RMC1: variants seen among roughly 807,000 people sequenced by gnomAD.
RMC1 encodes the protein regulator of MON1-CCZ1 complex.
In RMC1, 44 loss-of-function variants were observed where a neutral mutation model predicts 95.5. The ratio of observed to expected loss-of-function variants is 0.46; its 90% CI spans 0.36 to 0.59. The LOEUF is 0.59. Among genes scored for constraint, RMC1 ranks in the 20% least tolerant of loss-of-function variants. RMC1 has a pLI of 0.00. For missense variants in RMC1, 705 were observed against 819.6 expected (o/e 0.86, Z 1.71); for synonymous variants, 320 against 303.6 (o/e 1.05, Z -0.56).
At chr18:23,519,282 C>G in intron 9 of RMC1, 108 bp downstream of exon 9, 1 of 919,116 alleles carries the variant, frequency 1.1e-6, no homozygotes, top group Middle Eastern at 3.3e-4. Context: ...CTTTGGGAGG[C>G]CAAGGCGGAC....
chr18:23,518,350 G>C lies in RMC1; in HGVS notation c.654-540G>C, dbSNP rs529679323. On this transcript the variant is annotated intron_variant, in intron 7 of 19. Coordinates refer to ENST00000269221, the MANE Select transcript of RMC1 (RefSeq NM_013326.5). ...TACAAAAAAATTTAAAAATTAGCCA[G>C]GCACGGTGGCACGTGCATGTAGTCC... Among the ~76,000 whole-genome samples the C allele has an allele frequency of 9.2e-5, 14 of 152,174 alleles. No homozygotes were observed. In the South Asian group the frequency reaches 2.7e-3, roughly 29 times the overall value.
chr18:23,504,148 G>A (rs1237512259), intron 1 of RMC1, among the ~76,000 whole-genome samples: 1 of 152,236 alleles, frequency 6.6e-6, no homozygotes, highest in African/African-American at 2.4e-5. Flanking sequence ...AGAACTTGGA[G>A]CCTCGGGAAC....
At chr18:23,523,834 G>A (rs77987005) in intron 10 of RMC1, among the ~76,000 whole-genome samples, 2,230 of 152,138 alleles carry the variant, frequency 0.015, 53 homozygotes, top group African/African-American at 0.051. Flanking sequence ...GTTCCTTAAC[G>A]TGCATATGTA....
rs750343587 is a variant in RMC1 at position 23,529,639 on chromosome 18, T to C, written c.1421T>C (p.Met474Thr). The change falls in exon 16 of 20, where the codon ATG becomes ACG. Residue 474 changes from methionine (M) to threonine (T), a missense_variant. Coordinates refer to ENST00000269221, the MANE Select transcript of RMC1 (RefSeq NM_013326.5). ...VLSAFVEKKE[M>T]PHKFVIAVLM... ...ACCACATTTTTTTCTCCCTAGGAGA[T>C]GCCTCATAAATTTGTGATAGCCGTG... 3 of 1,613,928 alleles carry C rather than the reference T, an allele frequency of 1.9e-6. No individual in the cohort carries two copies. The highest frequency in any genetic ancestry group is 4.5e-5 in the East Asian group (2 of 44,900).
chr18:23,511,538 A>T (rs567964704), intron 5 of RMC1, among the ~76,000 whole-genome samples: 2 of 152,298 alleles, frequency 1.3e-5, no homozygotes, highest in African/African-American at 4.8e-5. Context: ...GTTCCCTATA[A>T]TCCCGATAAA....
At chr18:23,524,375 G>T in intron 11 of RMC1, 54 bp from the exon 12 acceptor site, 1 of 1,595,804 alleles carries the variant, frequency 6.3e-7, no homozygotes, top group Non-Finnish European at 8.6e-7. Flanking sequence ...GCGGAAACTG[G>T]GTTTGCTTTT....
Position 23,530,262 on chromosome 18 carries a change from C to T in RMC1, c.1633C>T (p.Pro545Ser), listed in dbSNP as rs200032808. The T allele has an allele frequency of 1.9e-6, 3 of 1,614,210 alleles. No individual in the cohort carries two copies. Among genetic ancestry groups the T allele is most frequent in the Non-Finnish European group, 2.5e-6 (3 of 1,180,018 alleles). Reference protein sequence around the residue: ...CLLLSLESFYPPAHQLSLDML... With the variant: ...CLLLSLESFYSPAHQLSLDML... ...GCTGTTATCCCTAGAGAGTTTCTAT[C>T]CTCCTGCTCATCAGCTATCTCTGGA... The change falls in exon 18 of 20, where the codon CCT becomes TCT. Residue 545 changes from proline to serine, a missense_variant. Coordinates refer to ENST00000269221, the MANE Select transcript of RMC1 (RefSeq NM_013326.5).
In RMC1 at chr18:23,512,894, C is replaced by T. The variant is rs548028821; in HGVS notation, c.409-2962C>T. Among the ~76,000 whole-genome samples, 168 of 152,250 alleles carry T rather than the reference C, an allele frequency of 1.1e-3. 1 individual carries two copies. Among genetic ancestry groups the T allele is most frequent in the African/African-American group, 3.9e-3 (160 of 41,522 alleles). On this transcript the variant is annotated intron_variant, in intron 5 of 19. Coordinates refer to ENST00000269221, the MANE Select transcript of RMC1 (RefSeq NM_013326.5). ...GAAACCAAAACTATCCAGTAAACAA[C>T]TCCCCTTATCCCTTCCCTGCAGCCC...
intron 10 of RMC1, among the ~76,000 whole-genome samples, chr18:23,521,678 C>A (rs1322417749): frequency 6.9e-6 from 1 of 145,160 alleles, no homozygotes; most frequent in Non-Finnish European, 1.5e-5. Flanking sequence ...AAAGAATATT[C>A]AACACACACT....
rs564870276 is a variant in RMC1, at chr18:23,509,862, G to C, written c.408+583G>C. ...GCGTGAGCCACTGCGCCCGGCCCTG[G>C]CTAATTTTTAAACTTTTTTGTAGAG... On this transcript the variant is annotated intron_variant, in intron 5 of 19. Coordinates refer to ENST00000269221, the MANE Select transcript of RMC1 (RefSeq NM_013326.5). Among the ~76,000 whole-genome samples the C allele has an allele frequency of 1.6e-4, 24 of 150,444 alleles. No homozygotes were observed. In the South Asian group the frequency reaches 4.4e-3, roughly 28 times the overall value.
Position 23,519,087 on chromosome 18 carries a change from G to T in RMC1, c.762G>T (p.Lys254Asn). 1 of 1,614,152 alleles carries T rather than the reference G, an allele frequency of 6.2e-7. No homozygotes were observed. Among genetic ancestry groups the T allele is most frequent in the Non-Finnish European group, 8.5e-7 (1 of 1,180,020 alleles). ...YHLPREGACKKMHILKLNRTG... is the reference protein window; with the variant it reads ...YHLPREGACKNMHILKLNRTG... ...CCTACAGAGAAGGTGCCTGTAAAAAGATGCACATATTGAAGTTAAATAGGA... is the reference window on the plus strand; with the variant it reads ...CCTACAGAGAAGGTGCCTGTAAAAATATGCACATATTGAAGTTAAATAGGA... The change falls in exon 9 of 20, where the codon AAG becomes AAT. Residue 254 changes from lysine to asparagine, a missense_variant. By Grantham distance (94) the Lys-to-Asn change is moderately conservative (BLOSUM62 0). Transcript: ENST00000269221.
At chr18:23,513,446 G>A (rs371847540) in intron 5 of RMC1, among the ~76,000 whole-genome samples, 2 of 152,176 alleles carry the variant, frequency 1.3e-5, no homozygotes, top group African/African-American at 4.8e-5. Context: ...TTCATCTGTT[G>A]AGGGACATTT....
chr18:23,504,412 T>G lies in RMC1; in HGVS notation c.144T>G (p.Val48=), dbSNP rs141165930. ...VRSGGATGVV[V]KGPDDRNPIS... is the part of the protein sequence containing the mutation. ...CTGGTGGAGCTACTGGCGTGGTAGTTAAAGGCCCAGATGATAGGAATCCCA... is the reference window on the plus strand; with the variant it reads ...CTGGTGGAGCTACTGGCGTGGTAGTGAAAGGCCCAGATGATAGGAATCCCA... The change falls in exon 2 of 20, where the codon GTT becomes GTG. Residue 48 remains valine (V), a synonymous_variant. Transcript: ENST00000269221. 1.2e-4 allele frequency: 186 copies of G among 1,614,182 alleles called. No homozygotes were observed. In the African/African-American group the frequency reaches 2.1e-3, roughly 18 times the overall value.
At chr18:23,522,465 TTA>T (rs1406037936) in intron 10 of RMC1, 2 of 152,104 alleles carry the variant, frequency 1.3e-5, no homozygotes, top group Non-Finnish European at 2.9e-5. Flanking sequence ...TCTTAAAACA[TTA>T]TGAGATTTTT....
At chr18:23,527,653 A>G (rs541824187) in intron 13 of RMC1, 142 bp from the exon 14 acceptor site, 2 of 216,104 alleles carry the variant, frequency 9.3e-6, no homozygotes, top group South Asian at 8.5e-5. Flanking sequence ...TCTAGCTGTC[A>G]GGTCTTTAAA....
chr18:23,513,487 TA>T (rs2057918300), intron 5 of RMC1, among the ~76,000 whole-genome samples: 1 of 152,250 alleles, frequency 6.6e-6, no homozygotes, highest in Admixed American at 6.5e-5. Context: ...CCATTGTGAA[TA>T]GTGCTGCTGT....
rs1236064165 is a variant in RMC1, at chr18:23,503,562, T to C, written c.-57T>C. On this transcript the variant is annotated 5_prime_UTR_variant, in exon 1 of 20. Transcript: ENST00000269221. ...AGTCCGGGCCGGGCTCCACCGCGCA[T>C]CCTGCTCCACTCTGGCGACCGCCCC... 178 of 1,345,310 alleles carry C rather than the reference T, an allele frequency of 1.3e-4. No homozygotes were observed. The highest frequency in any genetic ancestry group is 1.6e-4 in the Non-Finnish European group (160 of 993,930). 83.3% of individuals were successfully genotyped at this position (1,345,310 alleles called of 1,614,324 possible).
intron 19 of RMC1, 115 bp from the exon 20 acceptor site, chr18:23,531,508 CAA>C (rs1019321648): frequency 6.7e-7 from 1 of 1,492,906 alleles, no homozygotes; most frequent in African/African-American, 1.4e-5. Context: ...CTTAGGAAAA[CAA>C]TGTATTTTAT....
chr18:23,531,058 G>C (rs1441670117), intron 19 of RMC1, among the ~76,000 whole-genome samples: 2 of 151,210 alleles, frequency 1.3e-5, no homozygotes, highest in Non-Finnish European at 3.0e-5. Flanking sequence ...GCAGTGGTGT[G>C]ATCTCGGTTC....
Sources: allele counts gnomAD v4.1 joint callset (sites outside exome capture counted in the v4.1 genomes callset), GRCh38; gene constraint gnomAD v4.1.1; transcripts MANE v1.5; gene names NCBI Gene and HGNC (gene_info 2026-07-23, HGNC 2026-07-21).